The following UBE2L5 variants were observed in gnomAD, a reference collection of about 807,000 sequenced individuals.
UBE2L5 encodes the protein ubiquitin conjugating enzyme E2 L5.
Under a neutral mutation model 10.0 loss-of-function variants are expected in UBE2L5, and 3 were observed. The observed-to-expected ratio is 0.30, with a 90% CI of 0.14 to 0.78. The LOEUF is 0.78. Ranked by LOEUF, UBE2L5 falls within the 30% of genes least tolerant of loss-of-function variation. UBE2L5 has a pLI of 0.65. For synonymous variants in UBE2L5, 60 were observed against 71.9 expected (o/e 0.83, Z 0.83); for missense variants, 131 against 193.3 (o/e 0.68, Z 1.91).
intron 2 of UBE2L5, 79 bp from the exon 3 acceptor site, chr13:30,426,646 G>A (rs550417183): frequency 6.6e-6 from 1 of 152,308 alleles, no homozygotes; most frequent in African/African-American, 2.4e-5. Context: ...TGCTCAGGTG[G>A]TGATTTTATT....
In UBE2L5 at chr13:30,428,096, C is replaced by G; in HGVS notation, c.106C>G (p.Gln36Glu). ...QVDEANLLTW[Q>E]GLIVPDNPPY... ...TGATGAAGCTAATTTATTGACTTGG[C>G]AAGGGCTTATTGTTCCTGACAACCC... is the stretch of plus-strand genomic sequence containing the variant. The change falls in exon 4 of 4, where the codon CAA becomes GAA. Residue 36 changes from glutamine (Q) to glutamate (E), a missense_variant. Transcript: ENST00000635918. 6.2e-7 allele frequency: 1 copy of G among 1,610,896 alleles called. No individual in the cohort carries two copies. The highest frequency in any genetic ancestry group is 8.5e-7 in the Non-Finnish European group (1 of 1,177,076).
At chr13:30,425,946 G>A (rs927155329) in intron 2 of UBE2L5, among the ~76,000 whole-genome samples, 2 of 151,898 alleles carry the variant, frequency 1.3e-5, no homozygotes, top group Non-Finnish European at 2.9e-5. Context: ...CCTGGGAGGC[G>A]GATGTTGCAG....
At chr13:30,425,141 A>G (rs1199178544) in intron 2 of UBE2L5, among the ~76,000 whole-genome samples, 1 of 152,182 alleles carries the variant, frequency 6.6e-6, no homozygotes, top group East Asian at 1.9e-4. Flanking sequence ...CTGAGGGTTA[A>G]CATTTTAACA....
rs1885551856 is a variant in UBE2L5 at position 30,427,407 on chromosome 13, C to T, written c.-584C>T. The stretch of plus-strand genomic sequence containing the variant: ...AATTTCTCAGAAAAAAATATTCAAA[C>T]ACCAAGGATCTCACTTTGTGCTGTG... On this transcript the variant is annotated 5_prime_UTR_variant, in exon 4 of 4. Transcript: ENST00000635918. The T allele has an allele frequency of 6.6e-6, 1 of 152,148 alleles. No individual in the cohort carries two copies. The highest frequency in any genetic ancestry group is 2.1e-4 in the South Asian group (1 of 4,826). 9.4% of individuals were successfully genotyped at this position (152,148 alleles called of 1,614,324 possible).
In UBE2L5 at chr13:30,427,835, T is replaced by C; in HGVS notation, c.-156T>C. ...AAAAAAATTATAATGTATAGGATTG[T>C]GGATGATCACTCTAACCAACCAGTG... On this transcript the variant is annotated 5_prime_UTR_variant, in exon 4 of 4. Coordinates refer to ENST00000635918, the MANE Select transcript of UBE2L5 (RefSeq NM_001355247.2). 3.0e-6 allele frequency: 2 copies of C among 672,218 alleles called. No homozygotes were observed. Among genetic ancestry groups the C allele is most frequent in the Non-Finnish European group, 2.7e-6 (1 of 369,544 alleles). The allele number at this position is 672,218 out of a possible 1,614,324, so 41.6% of individuals were successfully genotyped here. A position where few individuals can be genotyped will look rare whatever the true frequency, so the allele number is the denominator to read the frequency against.
Position 30,428,414 on chromosome 13 carries a change from G to C in UBE2L5, c.424G>C (p.Glu142Gln). Residue 142 changes from glutamate (E) to glutamine (Q), a missense_variant, in exon 4 of 4, where the codon GAG becomes CAG. By Grantham distance (29) the Glu-to-Gln change is conservative. Coordinates refer to ENST00000635918, the MANE Select transcript of UBE2L5 (RefSeq NM_001355247.2). ...DRKKFCKNAE[E>Q]FTKKYGEKRP... is the part of the protein sequence containing the mutation. ...TAAAAAATTCTGTAAGAATGCTGAA[G>C]AGTTTACAAAGAAATATGGGGAAAA... 1.9e-6 allele frequency: 3 copies of C among 1,611,308 alleles called. No homozygotes were observed. The highest frequency in any genetic ancestry group is 3.3e-5 in the Admixed American group (2 of 59,714).
In UBE2L5 at chr13:30,428,825, A is replaced by G. The variant is rs937418721; in HGVS notation, c.*370A>G. ...GTTTACTTAGAGAACATAAAAGAAAAGAGATTGTATGCTATATTCCTTGCT... is the reference window on the plus strand; with the variant it reads ...GTTTACTTAGAGAACATAAAAGAAAGGAGATTGTATGCTATATTCCTTGCT... On this transcript the variant is annotated 3_prime_UTR_variant, in exon 4 of 4. Coordinates refer to ENST00000635918, the MANE Select transcript of UBE2L5 (RefSeq NM_001355247.2). Among the ~76,000 whole-genome samples the G allele has an allele frequency of 5.1e-4, 77 of 150,164 alleles. No individual in the cohort carries two copies. Among genetic ancestry groups the G allele is most frequent in the African/African-American group, 1.8e-3 (75 of 41,192 alleles).
At position 30,422,495 on chromosome 13, in the gene UBE2L5, T is replaced by C. The variant is rs987880134; in HGVS notation, c.-961T>C. 3.9e-5 allele frequency: 6 copies of C among 152,092 alleles called. No homozygotes were observed. The Middle Eastern group carries it at 0.01, about 257-fold the overall frequency. The allele number at this position is 152,092 out of a possible 1,614,324, so 9.4% of individuals were successfully genotyped here. The stretch of plus-strand genomic sequence containing the variant: ...CCGGCGGCCGCGCAGCTCAGGGAAC[T>C]CCGCTCCGTGAGGCTTCCGGGAGAG... On this transcript the variant is annotated 5_prime_UTR_variant, in exon 1 of 4. Transcript: ENST00000635918.
In UBE2L5 at chr13:30,428,636, G is replaced by T; in HGVS notation, c.*181G>T. On this transcript the variant is annotated 3_prime_UTR_variant, in exon 4 of 4. Coordinates refer to ENST00000635918, the MANE Select transcript of UBE2L5 (RefSeq NM_001355247.2). ...GTGGTCTAGGTAACCTGTAAAGAAA[G>T]GATTAAAAATTTAAGATGTTCTTAA... 8.6e-6 allele frequency: 5 copies of T among 583,890 alleles called. No individual in the cohort carries two copies. The highest frequency in any genetic ancestry group is 4.0e-5 in the African/African-American group (2 of 50,508). The allele number at this position is 583,890 out of a possible 1,614,324, so 36.2% of individuals were successfully genotyped here. A position where few individuals can be genotyped will look rare whatever the true frequency, so the allele number is the denominator to read the frequency against.
intron 2 of UBE2L5, among the ~76,000 whole-genome samples, chr13:30,425,509 A>G (rs569199486): frequency 2.0e-5 from 3 of 152,306 alleles, no homozygotes; most frequent in Non-Finnish European, 4.4e-5. Flanking sequence ...CTCACCATTC[A>G]ATACCATCTC....
In UBE2L5 at chr13:30,428,220, C is replaced by G. The variant is rs1383439516; in HGVS notation, c.230C>G (p.Pro77Arg). Residue 77 changes from proline to arginine, a missense_variant, in exon 4 of 4, where the codon CCG becomes CGG. Physicochemically the swap from Pro to Arg is moderately radical, Grantham distance 103. Transcript: ENST00000635918. ...RITFKTKIYH[P>R]NIDEKGQVCL... ...ACATTTAAAACAAAGATCTATCACCCGAACATCGACGAAAAGGGGCAGGTC... is the reference window on the plus strand; with the variant it reads ...ACATTTAAAACAAAGATCTATCACCGGAACATCGACGAAAAGGGGCAGGTC... 1.4e-5 allele frequency: 22 copies of G among 1,609,258 alleles called. No individual in the cohort carries two copies. The highest frequency in any genetic ancestry group is 1.9e-5 in the Non-Finnish European group (22 of 1,175,864).
intron 1 of UBE2L5, among the ~76,000 whole-genome samples, chr13:30,423,633 T>C (rs990433303): frequency 4.6e-5 from 7 of 152,158 alleles, no homozygotes; most frequent in African/African-American, 1.4e-4. Context: ...GGGAATCATA[T>C]ATTTAAAATT....
chr13:30,426,150 A>T, intron 2 of UBE2L5, among the ~76,000 whole-genome samples: 1 of 151,336 alleles, frequency 6.6e-6, no homozygotes, highest in South Asian at 2.1e-4. Flanking sequence ...ATCTCTACTA[A>T]AAATACAAAA....
chr13:30,427,274 T>G (rs1885550223), intron 3 of UBE2L5, 87 bp from the exon 4 acceptor site: 1 of 152,242 alleles, frequency 6.6e-6, no homozygotes, highest in South Asian at 2.1e-4. Flanking sequence ...TGAGTGTATT[T>G]GTATATTTCA....
At chr13:30,425,949 T>C (rs1299884864) in intron 2 of UBE2L5, among the ~76,000 whole-genome samples, 2 of 142,266 alleles carry the variant, frequency 1.4e-5, no homozygotes, top group African/African-American at 5.3e-5. Flanking sequence ...GGGAGGCGGA[T>C]GTTGCAGTGA....
chr13:30,422,762 T>C (rs1316911196), intron 1 of UBE2L5, 85 bp downstream of exon 1: 3 of 152,136 alleles, frequency 2.0e-5, no homozygotes, highest in Non-Finnish European at 4.4e-5. Context: ...ATTGCATTAA[T>C]TTGCTCTGGT....
At position 30,427,497 on chromosome 13, in the gene UBE2L5, A is replaced by C. The variant is rs1885553379; in HGVS notation, c.-494A>C. 1 of 155,394 alleles carries C rather than the reference A, an allele frequency of 6.4e-6. No individual in the cohort carries two copies. Among genetic ancestry groups the C allele is most frequent in the African/African-American group, 2.4e-5 (1 of 41,480 alleles). The allele number at this position is 155,394 out of a possible 1,614,324, so 9.6% of individuals were successfully genotyped here. On this transcript the variant is annotated 5_prime_UTR_variant, in exon 4 of 4. Coordinates refer to ENST00000635918, the MANE Select transcript of UBE2L5 (RefSeq NM_001355247.2). ...TCAGTCAGGCAACAGGTGAATATGCAGGTAGAATTATAATGTGTAAAGCCG... is the reference window on the plus strand; with the variant it reads ...TCAGTCAGGCAACAGGTGAATATGCCGGTAGAATTATAATGTGTAAAGCCG...
chr13:30,428,006 A>G lies in UBE2L5; in HGVS notation c.16A>G (p.Arg6Gly). The change falls in exon 4 of 4, where the codon AGG becomes GGG. Residue 6 changes from arginine (R) to glycine (G), a missense_variant. Transcript: ENST00000635918. ...CAAATCCAAGATGGCGGCCAGCAGG[A>G]GGCTGATGAAGGAGCTTGAAGAAAT... Reference protein sequence around the residue: MAASRRLMKELEEIRK... With the variant: MAASRGLMKELEEIRK... 2 of 1,582,150 alleles carry G rather than the reference A, an allele frequency of 1.3e-6. No individual in the cohort carries two copies. Among genetic ancestry groups the G allele is most frequent in the Non-Finnish European group, 1.7e-6 (2 of 1,150,932 alleles).
intron 2 of UBE2L5, among the ~76,000 whole-genome samples, chr13:30,425,562 G>A (rs911976123): frequency 4.6e-5 from 7 of 152,098 alleles, no homozygotes; most frequent in African/African-American, 1.4e-4. Context: ...CCCACCCAGC[G>A]CCATGCATTC....
Sources: allele counts gnomAD v4.1 joint callset (sites outside exome capture counted in the v4.1 genomes callset), GRCh38; gene constraint gnomAD v4.1.1; transcripts MANE v1.5; gene names NCBI Gene and HGNC (gene_info 2026-07-23, HGNC 2026-07-21).